The following DOCK1 variants were observed in gnomAD, a reference collection of about 807,000 sequenced individuals.
DOCK1 encodes dedicator of cytokinesis 1.
Under a neutral mutation model 262.7 loss-of-function variants are expected in DOCK1, and 138 were observed. The observed-to-expected ratio is 0.53, with a 90% CI of 0.46 to 0.61. The LOEUF (loss-of-function observed/expected upper bound fraction) is 0.61. Ranked by LOEUF, DOCK1 falls within the 20% of genes least tolerant of loss-of-function variation. The probability of loss-of-function intolerance (pLI) is 0.00; values close to 1 mark genes in which losing one functional copy is unlikely to be tolerated. For missense variants in DOCK1, 1,908 were observed against 2,370.7 expected, an observed-to-expected ratio of 0.80 and a Z score of 4.05; for synonymous variants, 866 against 867.4, an observed-to-expected ratio of 1.00 and a Z score of 0.03.
At chr10:126,958,117 G>A (rs1487515307) in intron 1 of DOCK1, among the ~76,000 whole-genome samples, 1 of 152,048 alleles carries the variant, frequency 6.6e-6, no homozygotes, top group African/African-American at 2.4e-5. Context: ...TCCTATCTTG[G>A]GTGTACACGG....
At chr10:127,412,152 C>T (rs1418567580) in intron 43 of DOCK1, among the ~76,000 whole-genome samples, 11 of 151,716 alleles carry the variant, frequency 7.3e-5, no homozygotes, top group Admixed American at 3.9e-4. Context: ...TTAGTAGAGA[C>T]GGGGTTTCAC....
intron 13 of DOCK1, among the ~76,000 whole-genome samples, chr10:127,021,156 C>T (rs1037340183): frequency 2.0e-5 from 3 of 152,100 alleles, no homozygotes; most frequent in Non-Finnish European, 2.9e-5. Flanking sequence ...CCTGGAGTAA[C>T]GCACTTGAGG....
At chr10:126,988,733 A>G (rs1286105732) in intron 5 of DOCK1, among the ~76,000 whole-genome samples, 3 of 152,176 alleles carry the variant, frequency 2.0e-5, no homozygotes, top group African/African-American at 4.8e-5. Context: ...ATAGACTTAC[A>G]TGGTTGGATT....
chr10:127,092,221 G>A (rs1188214233), intron 23 of DOCK1, among the ~76,000 whole-genome samples: 1 of 152,208 alleles, frequency 6.6e-6, no homozygotes, highest in African/African-American at 2.4e-5. Flanking sequence ...AGTGCTGGGA[G>A]CTGAGAAGGT....
intron 27 of DOCK1, among the ~76,000 whole-genome samples, chr10:127,149,388 G>A (rs1000339144): frequency 5.3e-5 from 8 of 152,146 alleles, no homozygotes; most frequent in African/African-American, 1.4e-4. Context: ...CATCAAGACC[G>A]TTTGTCCTTT....
chr10:127,185,228 G>A (rs2056117315), intron 27 of DOCK1, among the ~76,000 whole-genome samples: 1 of 151,976 alleles, frequency 6.6e-6, no homozygotes, highest in African/African-American at 2.4e-5. Flanking sequence ...TTACTTACTG[G>A]TTTAAGAATC....
intron 18 of DOCK1, among the ~76,000 whole-genome samples, chr10:127,033,874 C>A (rs1408132141): frequency 6.6e-6 from 1 of 152,220 alleles, no homozygotes; most frequent in Non-Finnish European, 1.5e-5. Flanking sequence ...CACTTTCCCA[C>A]TGCTGGTCTG....
chr10:127,145,697 G>T (rs985656535), intron 27 of DOCK1, among the ~76,000 whole-genome samples: 20 of 152,166 alleles, frequency 1.3e-4, no homozygotes, highest in African/African-American at 4.8e-4. Flanking sequence ...CAGTGTTGGT[G>T]TGAAGGCTAC....
intron 29 of DOCK1, among the ~76,000 whole-genome samples, chr10:127,300,620 T>C (rs1444738338): frequency 6.6e-6 from 1 of 152,258 alleles, no homozygotes; most frequent in Non-Finnish European, 1.5e-5. Flanking sequence ...TCCAGTTTAC[T>C]TTCTGCTTCC....
intron 6 of DOCK1, among the ~76,000 whole-genome samples, chr10:126,994,924 C>T (rs1591571136): frequency 6.7e-6 from 1 of 149,610 alleles, no homozygotes; most frequent in Non-Finnish European, 1.5e-5. Context: ...ACCTCCCGAA[C>T]GGGGTGGCTG....
intron 49 of DOCK1, among the ~76,000 whole-genome samples, chr10:127,441,608 A>G (rs910654744): frequency 6.6e-6 from 1 of 152,088 alleles, no homozygotes; most frequent in African/African-American, 2.4e-5. Flanking sequence ...GCCAGTGACC[A>G]GCCATGCGCA....
At chr10:127,227,619 AGGGT>A (rs2058692465) in intron 27 of DOCK1, among the ~76,000 whole-genome samples, 1 of 152,224 alleles carries the variant, frequency 6.6e-6, no homozygotes, top group Non-Finnish European at 1.5e-5. Flanking sequence ...TGCACCTGAA[AGGGT>A]TCCCTCTGAT....
At chr10:127,412,889 G>A (rs146925470) in intron 43 of DOCK1, among the ~76,000 whole-genome samples, 64 of 152,342 alleles carry the variant, frequency 4.2e-4, no homozygotes, top group African/African-American at 1.5e-3. Flanking sequence ...CAGGCTGGTT[G>A]TTTGAAGATT....
chr10:127,279,709 A>T (rs888711475), intron 29 of DOCK1, among the ~76,000 whole-genome samples: 1 of 152,192 alleles, frequency 6.6e-6, no homozygotes, highest in African/African-American at 2.4e-5. Flanking sequence ...AGCCTGGTGT[A>T]TTCAGACCTC....
intron 1 of DOCK1, among the ~76,000 whole-genome samples, chr10:126,928,379 A>G (rs1469943043): frequency 6.6e-6 from 1 of 151,674 alleles, no homozygotes; most frequent in South Asian, 2.1e-4. Context: ...CCTGACTCGT[A>G]AACTTGCTCA....
intron 27 of DOCK1, among the ~76,000 whole-genome samples, chr10:127,180,673 C>T (rs980547091): frequency 2.6e-5 from 4 of 152,210 alleles, no homozygotes; most frequent in Non-Finnish European, 4.4e-5. Context: ...ATGTGCATTC[C>T]AACTTAAATA....
At chr10:127,386,140 G>A (rs539119907) in intron 38 of DOCK1, among the ~76,000 whole-genome samples, 4 of 152,280 alleles carry the variant, frequency 2.6e-5, no homozygotes, top group Admixed American at 6.5e-5. Flanking sequence ...CCGTGGTCAC[G>A]AGCTTGGGAT....
At chr10:127,134,261 C>G (rs1383194533) in intron 27 of DOCK1, among the ~76,000 whole-genome samples, 3 of 152,132 alleles carry the variant, frequency 2.0e-5, no homozygotes, top group Non-Finnish European at 4.4e-5. Flanking sequence ...GCAGGCCATC[C>G]TCCTTGTGAC....
intron 1 of DOCK1, among the ~76,000 whole-genome samples, chr10:126,937,099 T>G (rs2034604329): frequency 6.6e-6 from 1 of 152,258 alleles, no homozygotes; most frequent in South Asian, 2.1e-4. Flanking sequence ...TTTGTCATTT[T>G]GTGAGTGGCT....
Sources: gnomAD v4.1 joint callset for allele counts (sites outside exome capture counted in the v4.1 genomes callset) on GRCh38, gnomAD v4.1.1 for gene constraint, MANE v1.5 for transcripts, NCBI Gene and HGNC (gene_info 2026-07-23, HGNC 2026-07-21) for gene names.